Variants in RALYL observed in about 807,000 individuals in gnomAD.
RALYL encodes the protein RALY RNA binding protein like.
In RALYL, 29 loss-of-function variants were observed where a neutral mutation model predicts 35.1. The observed-to-expected ratio is 0.83, with a 90% CI of 0.61 to 1.13. The LOEUF (loss-of-function observed/expected upper bound fraction) is 1.13. RALYL is among the 50% of genes most tolerant of loss of function. The pLI is 0.00. For missense variants in RALYL, 359 were observed against 360.4 expected (o/e 1.00, Z 0.03); for synonymous variants, 120 against 127.6 (o/e 0.94, Z 0.40).
chr8:84,298,909 C>T (rs754122496), intron 1 of RALYL, among the ~76,000 whole-genome samples: 1 of 151,876 alleles, frequency 6.6e-6, no homozygotes, highest in Non-Finnish European at 1.5e-5. Context: ...ACATTGGTTT[C>T]GTATCCTGAA....
chr8:84,407,265 T>C (rs935684536), intron 1 of RALYL, among the ~76,000 whole-genome samples: 1 of 152,152 alleles, frequency 6.6e-6, no homozygotes, highest in African/African-American at 2.4e-5. Flanking sequence ...TCAATACTTG[T>C]GTTGGGAAGA....
At chr8:84,436,500 G>T (rs549108789) in intron 1 of RALYL, among the ~76,000 whole-genome samples, 2 of 143,938 alleles carry the variant, frequency 1.4e-5, no homozygotes, top group Non-Finnish European at 3.0e-5. Flanking sequence ...TAAAACCTTC[G>T]CAGAGGCACT....
At chr8:84,367,333 T>TAG (rs1854628388) in intron 1 of RALYL, among the ~76,000 whole-genome samples, 1 of 27,830 alleles carries the variant, frequency 3.6e-5, no homozygotes, top group African/African-American at 2.5e-4. Context: ...TTTTTTTTTT[T>TAG]TTTTTTTTTT....
rs79825888 is a variant in RALYL, at chr8:84,916,260, A to G, written c.859-4634A>G. Reference sequence around the variant, plus strand: ...AGTTTATAAGATTGATTTATCTTATATCACATATCTTGTATCTTATAAAGT... The same window carrying G: ...AGTTTATAAGATTGATTTATCTTATGTCACATATCTTGTATCTTATAAAGT... On this transcript the variant is annotated intron_variant, in intron 8 of 8. Transcript: ENST00000521268. 3.5e-3 allele frequency among the ~76,000 whole-genome samples: 540 copies of G among 152,190 alleles called. 3 individuals are homozygous for G. The highest frequency in any genetic ancestry group is 0.012 in the African/African-American group (505 of 41,552).
At chr8:84,893,677 T>C (rs1844256604) in intron 8 of RALYL, among the ~76,000 whole-genome samples, 1 of 152,182 alleles carries the variant, frequency 6.6e-6, no homozygotes, top group South Asian at 2.1e-4. Flanking sequence ...AATGCCAACA[T>C]AGATTATCTC....
At chr8:84,790,975 A>G (rs1364816340) in intron 3 of RALYL, among the ~76,000 whole-genome samples, 1 of 152,218 alleles carries the variant, frequency 6.6e-6, no homozygotes, top group East Asian at 1.9e-4. Flanking sequence ...TGAACTTAAA[A>G]TATGTAAAGA....
chr8:84,518,802 T>C (rs576922477), intron 1 of RALYL, among the ~76,000 whole-genome samples: 1 of 152,252 alleles, frequency 6.6e-6, no homozygotes, highest in South Asian at 2.1e-4. Flanking sequence ...CTACATGAAA[T>C]CACTTAGCGA....
At chr8:84,241,035 T>C (rs1827736200) in intron 1 of RALYL, among the ~76,000 whole-genome samples, 1 of 152,062 alleles carries the variant, frequency 6.6e-6, no homozygotes, top group Non-Finnish European at 1.5e-5. Flanking sequence ...CTGTCATTTC[T>C]AAATATATAT....
intron 1 of RALYL, among the ~76,000 whole-genome samples, chr8:84,268,516 A>T (rs1833730405): frequency 6.6e-6 from 1 of 152,208 alleles, no homozygotes; most frequent in Non-Finnish European, 1.5e-5. Flanking sequence ...AAGAGTAATA[A>T]TTGCATTATT....
At chr8:84,395,365 T>C (rs950985704) in intron 1 of RALYL, among the ~76,000 whole-genome samples, 1 of 151,890 alleles carries the variant, frequency 6.6e-6, no homozygotes, top group African/African-American at 2.4e-5. Context: ...AATTTTTCCT[T>C]GTATGTTGTT....
Position 84,921,153 on chromosome 8 carries a change from GT to G in RALYL, c.*252del, listed in dbSNP as rs147331612. On this transcript the variant is annotated 3_prime_UTR_variant, in exon 9 of 9. Coordinates refer to ENST00000521268, the MANE Select transcript of RALYL (RefSeq NM_173848.7). ...ATGTGTTTTCCCCTTTGCTAATTAT[GT>G]TTTTTTTTTCAGTCTTAAAATGTGA... 8.5e-4 allele frequency: 253 copies of G among 298,634 alleles called. No homozygotes were observed. Among genetic ancestry groups the G allele is most frequent in the African/African-American group, 1.4e-3 (62 of 44,974 alleles). The allele number at this position is 298,634 out of a possible 1,614,324, so 18.5% of individuals were successfully genotyped here.
intron 1 of RALYL, among the ~76,000 whole-genome samples, chr8:84,312,301 A>G (rs1256466115): frequency 1.3e-5 from 2 of 152,158 alleles, no homozygotes; most frequent in African/African-American, 2.4e-5. Flanking sequence ...TTAGGTGGGG[A>G]CACAGAGCAA....
At chr8:84,785,605 C>T (rs555855421) in intron 3 of RALYL, among the ~76,000 whole-genome samples, 1 of 151,924 alleles carries the variant, frequency 6.6e-6, no homozygotes, top group African/African-American at 2.4e-5. Context: ...TGAAGTATAT[C>T]TAAGGAGATA....
At chr8:84,710,945 A>G (rs899358163) in intron 2 of RALYL, among the ~76,000 whole-genome samples, 2 of 152,208 alleles carry the variant, frequency 1.3e-5, no homozygotes, top group South Asian at 4.1e-4. Flanking sequence ...ATGGAGAAAA[A>G]TAAAGCAAGT....
At chr8:84,749,032 T>C (rs973305877) in intron 2 of RALYL, among the ~76,000 whole-genome samples, 3 of 152,272 alleles carry the variant, frequency 2.0e-5, no homozygotes, top group Admixed American at 2.0e-4. Context: ...GCAGCACTAC[T>C]CTGAGAATTG....
chr8:84,285,005 G>A (rs180960044), intron 1 of RALYL, among the ~76,000 whole-genome samples: 26 of 152,268 alleles, frequency 1.7e-4, no homozygotes, highest in African/African-American at 6.0e-4. Flanking sequence ...GAAATGAAAA[G>A]GAGGGGTGAG....
chr8:84,455,438 C>G (rs534468929), intron 1 of RALYL, among the ~76,000 whole-genome samples: 1 of 152,068 alleles, frequency 6.6e-6, no homozygotes, highest in African/African-American at 2.4e-5. Context: ...TAGAATAAAT[C>G]TGTGATTTAG....
intron 7 of RALYL, among the ~76,000 whole-genome samples, chr8:84,874,494 C>A (rs1366402033): frequency 3.3e-5 from 5 of 152,084 alleles, no homozygotes; most frequent in Non-Finnish European, 7.4e-5. Context: ...AGCTTTGTCC[C>A]AGGATTTCAC....
At position 84,229,239 on chromosome 8, in the gene RALYL, T is replaced by C. The variant is rs1290844111; in HGVS notation, c.-24+44815T>C. On this transcript the variant is annotated intron_variant, in intron 1 of 8. Transcript: ENST00000521268. ...ATGATCAGAAACATAGTCTCTTTCT[T>C]AAAGGGAAAATAGGAAGTCTTCTGA... Among the ~76,000 whole-genome samples the C allele has an allele frequency of 2.0e-5, 3 of 152,192 alleles. 1 individual carries two copies. Among genetic ancestry groups the C allele is most frequent in the Non-Finnish European group, 4.4e-5 (3 of 68,032 alleles).
Sources: allele counts gnomAD v4.1 joint callset (sites outside exome capture counted in the v4.1 genomes callset), GRCh38; gene constraint gnomAD v4.1.1; transcripts MANE v1.5; gene names NCBI Gene and HGNC (gene_info 2026-07-23, HGNC 2026-07-21).